Variants in SUPT3H observed in about 807,000 individuals in gnomAD.
SUPT3H encodes the protein transcription initiation protein SPT3 homolog.
Under a neutral mutation model 44.3 loss-of-function variants are expected in SUPT3H, and 44 were observed. That is an observed-to-expected ratio of 0.99 (90% confidence interval 0.78 to 1.28). The LOEUF is 1.28. Ranked by LOEUF, SUPT3H falls within the 50% of genes most tolerant of loss-of-function variation. SUPT3H has a pLI of 0.00. For synonymous variants in SUPT3H, 124 were observed against 125.6 expected (o/e 0.99, Z 0.09); for missense variants, 380 against 387.1 (o/e 0.98, Z 0.15).
chr6:45,132,114 T>C (rs1291498926), intron 2 of SUPT3H, among the ~76,000 whole-genome samples: 2 of 152,224 alleles, frequency 1.3e-5, no homozygotes, highest in Non-Finnish European at 2.9e-5. Context: ...TTTTGGACCA[T>C]AGTTGACAGC....
At chr6:44,867,435 G>A (rs1775690008) in intron 10 of SUPT3H, among the ~76,000 whole-genome samples, 1 of 152,054 alleles carries the variant, frequency 6.6e-6, no homozygotes, top group South Asian at 2.1e-4. Flanking sequence ...ACAATAAAGG[G>A]CTACCAAATA....
intron 3 of SUPT3H, among the ~76,000 whole-genome samples, chr6:45,052,936 G>A (rs967167018): frequency 6.6e-6 from 1 of 152,050 alleles, no homozygotes; most frequent in Non-Finnish European, 1.5e-5. Context: ...AGTGAATAGA[G>A]TGAGAGAGGA....
intron 6 of SUPT3H, among the ~76,000 whole-genome samples, chr6:44,970,056 T>C (rs1463799354): frequency 6.6e-6 from 1 of 152,192 alleles, no homozygotes; most frequent in East Asian, 1.9e-4. Flanking sequence ...TTTCAAAATA[T>C]TGAATTCAGT....
At chr6:45,017,395 G>A (rs1391748430) in intron 4 of SUPT3H, among the ~76,000 whole-genome samples, 4 of 151,180 alleles carry the variant, frequency 2.6e-5, no homozygotes, top group African/African-American at 9.7e-5. Context: ...ATTGCTTTTG[G>A]TGTTTTAGAC....
rs548943825 is a variant in SUPT3H at position 44,894,489 on chromosome 6, C to T, written c.912+38164G>A. Among the ~76,000 whole-genome samples, 28 of 152,266 alleles carry T rather than the reference C, an allele frequency of 1.8e-4. No homozygotes were observed. In the South Asian group the frequency reaches 5.6e-3, roughly 30 times the overall value. On this transcript the variant is annotated intron_variant, in intron 10 of 10. Transcript: ENST00000371459. ...ATTTATAAATAGGGAATCCTTTCCCCATTGCTTGTTTTTCTCAGGTTTGTC... is the reference window on the plus strand; with the variant it reads ...ATTTATAAATAGGGAATCCTTTCCCTATTGCTTGTTTTTCTCAGGTTTGTC...
intron 2 of SUPT3H, among the ~76,000 whole-genome samples, chr6:45,253,110 TA>T (rs1245164428): frequency 6.6e-6 from 1 of 151,924 alleles, no homozygotes; most frequent in Non-Finnish European, 1.5e-5. Context: ...AACTCCTGAA[TA>T]AAAATAAGTA....
chr6:44,892,049 C>G (rs1166115436), intron 10 of SUPT3H, among the ~76,000 whole-genome samples: 1 of 151,912 alleles, frequency 6.6e-6, no homozygotes, highest in Non-Finnish European at 1.5e-5. Flanking sequence ...GTATTTTCTT[C>G]CTTTTTAATC....
At chr6:44,878,485 T>C (rs1476527215) in intron 10 of SUPT3H, among the ~76,000 whole-genome samples, 1 of 151,852 alleles carries the variant, frequency 6.6e-6, no homozygotes, top group African/African-American at 2.4e-5. Context: ...TTTTGAGAAA[T>C]AGAAGATCGT....
chr6:44,973,068 A>G (rs1431695749), intron 6 of SUPT3H, among the ~76,000 whole-genome samples: 1 of 152,038 alleles, frequency 6.6e-6, no homozygotes, highest in African/African-American at 2.4e-5. Context: ...AAATAGGTTT[A>G]TCTTTTCTAT....
chr6:45,079,412 A>AAGGAAGAAGAAGGGGGAAGAGG (rs145457690), intron 3 of SUPT3H, among the ~76,000 whole-genome samples: 109 of 148,022 alleles, frequency 7.4e-4, no homozygotes, highest in African/African-American at 2.4e-3. Context: ...TGGGGAGGAG[A>AAGGAAGAAGAAGGGGGAAGAGG]AGGAAGAAGA....
intron 2 of SUPT3H, among the ~76,000 whole-genome samples, chr6:45,268,614 A>C (rs1209808368): frequency 6.6e-6 from 1 of 152,184 alleles, no homozygotes; most frequent in Non-Finnish European, 1.5e-5. Flanking sequence ...AAAAGGGTCT[A>C]AAGTAAACTA....
At chr6:45,305,129 T>C (rs983613525) in intron 2 of SUPT3H, among the ~76,000 whole-genome samples, 14 of 152,214 alleles carry the variant, frequency 9.2e-5, no homozygotes, top group African/African-American at 3.4e-4. Flanking sequence ...TTATAGTTTG[T>C]AGAACTTTTT....
intron 1 of SUPT3H, 112 bp from the exon 2 acceptor site, chr6:45,365,413 C>A: frequency 1.4e-6 from 1 of 706,830 alleles, no homozygotes. Flanking sequence ...ATTTAAATTT[C>A]TGATTTGTTT....
chr6:44,949,687 T>A (rs1274346016), intron 9 of SUPT3H, among the ~76,000 whole-genome samples: 1 of 150,554 alleles, frequency 6.6e-6, no homozygotes, highest in Non-Finnish European at 1.5e-5. Flanking sequence ...AATCAATACA[T>A]TAAAAAGTGC....
intron 2 of SUPT3H, among the ~76,000 whole-genome samples, chr6:45,241,928 T>C (rs756204578): frequency 2.6e-4 from 39 of 152,068 alleles, no homozygotes; most frequent in Non-Finnish European, 4.1e-4. Context: ...AGAAAGCAAA[T>C]TGCTAGTCAT....
chr6:45,109,434 T>A (rs890139491), intron 2 of SUPT3H, among the ~76,000 whole-genome samples: 1 of 152,082 alleles, frequency 6.6e-6, no homozygotes, highest in East Asian at 1.9e-4. Flanking sequence ...AGTAAAAAAA[T>A]TAAAAATACT....
chr6:45,208,614 T>C (rs1763575881), intron 2 of SUPT3H, among the ~76,000 whole-genome samples: 1 of 151,658 alleles, frequency 6.6e-6, no homozygotes. Context: ...GTCCCAGCTG[T>C]TCAGGACGCT....
intron 2 of SUPT3H, among the ~76,000 whole-genome samples, chr6:45,253,712 G>C (rs1382169437): frequency 6.6e-6 from 1 of 151,660 alleles, no homozygotes; most frequent in Non-Finnish European, 1.5e-5. Flanking sequence ...AGAATCACTT[G>C]AGTCCAAAAG....
At chr6:45,336,892 C>A (rs1380523427) in intron 2 of SUPT3H, among the ~76,000 whole-genome samples, 1 of 151,482 alleles carries the variant, frequency 6.6e-6, no homozygotes, top group Admixed American at 6.6e-5. Context: ...ATCTTAAATG[C>A]TGTTTTAAAG....
Sources: allele counts gnomAD v4.1 joint callset (sites outside exome capture counted in the v4.1 genomes callset), GRCh38; gene constraint gnomAD v4.1.1; transcripts MANE v1.5; gene names NCBI Gene and HGNC (gene_info 2026-07-23, HGNC 2026-07-21).